DDAH1: variants seen among roughly 807,000 people sequenced by gnomAD.
DDAH1 encodes dimethylarginine dimethylaminohydrolase 1, also known as N(G),N(G)-dimethylarginine dimethylaminohydrolase 1.
DDAH1 carries 19 observed loss-of-function variants against 28.8 expected under a neutral mutation model. The ratio of observed to expected loss-of-function variants is 0.66; its 90% CI spans 0.46 to 0.97. The LOEUF is 0.97. DDAH1 is among the 50% of genes least tolerant of loss of function. The probability of loss-of-function intolerance (pLI) is 0.00; values close to 1 mark genes in which losing one functional copy is unlikely to be tolerated. For synonymous variants in DDAH1, 153 were observed against 154.4 expected (o/e 0.99, Z 0.07); for missense variants, 326 against 375.9 (o/e 0.87, Z 1.10).
chr1:85,482,575 G>A (rs1656046435), intron 2 of DDAH1: 1 of 152,176 alleles, frequency 6.6e-6, no homozygotes, highest in Admixed American at 6.5e-5. Context: ...GGTTCATGCT[G>A]GCTAGAAACT....
Position 85,479,159 on chromosome 1 carries a change from C to CTTTT in DDAH1, c.-7+17003_-7+17006dup, listed in dbSNP as rs35629726. Among the ~76,000 whole-genome samples, 450 of 78,588 alleles carry CTTTT rather than the reference C, an allele frequency of 5.7e-3. 15 individuals are homozygous for CTTTT. Among genetic ancestry groups the CTTTT allele is most frequent in the African/African-American group, 0.018 (400 of 21,876 alleles). The allele number at this position is 78,588 out of a possible 152,430, so 51.6% of individuals were successfully genotyped here. On this transcript the variant is annotated intron_variant, in intron 2 of 6. Transcript: ENST00000426972. ...ATTATTTTTCCTCCCTTCTGTTTTT[C>CTTTT]TTTTTTTTTTTTTTTTTTTTTTTTT...
intron 1 of DDAH1, among the ~76,000 whole-genome samples, chr1:85,405,203 C>T (rs776707486): frequency 2.6e-5 from 4 of 152,126 alleles, no homozygotes; most frequent in Non-Finnish European, 4.4e-5. Context: ...AATAAATTGG[C>T]CACATGGGTC....
At chr1:85,396,293 C>G (rs2177461) in intron 1 of DDAH1, among the ~76,000 whole-genome samples, 99,693 of 152,000 alleles carry the variant, frequency 0.66, 32,840 homozygotes, top group East Asian at 0.71. Context: ...TCACAGTTTT[C>G]CTGGCTGGAA....
chr1:85,383,286 T>C (rs1277466676), intron 1 of DDAH1, among the ~76,000 whole-genome samples: 1 of 152,198 alleles, frequency 6.6e-6, no homozygotes, highest in Non-Finnish European at 1.5e-5. Flanking sequence ...TTTGAATGGT[T>C]TAAGACTTCA....
At chr1:85,538,323 G>A (rs1257239259) in intron 1 of DDAH1, among the ~76,000 whole-genome samples, 2 of 152,172 alleles carry the variant, frequency 1.3e-5, no homozygotes, top group African/African-American at 4.8e-5. Context: ...GAAACATCAG[G>A]ATAGTACCAA....
chr1:85,435,600 G>GGTT (rs1289862650), intron 1 of DDAH1, among the ~76,000 whole-genome samples: 1 of 152,114 alleles, frequency 6.6e-6, no homozygotes, highest in South Asian at 2.1e-4. Context: ...AAGAGTAAGG[G>GGTT]GAACAGAAAT....
In DDAH1 at chr1:85,350,471, C is replaced by T. The variant is rs1649136901; in HGVS notation, c.541G>A (p.Ala181Thr). The T allele has an allele frequency of 1.2e-6, 2 of 1,613,980 alleles. No individual in the cohort carries two copies. Among genetic ancestry groups the T allele is most frequent in the East Asian group, 2.2e-5 (1 of 44,880 alleles). The change falls in exon 4 of 6, where the codon GCT becomes ACT. Residue 181 changes from alanine (A) to threonine (T), a missense_variant. Transcript: ENST00000284031. ...GLHLKSFCSM[A>T]GPNLIAIGSS... is the part of the protein sequence containing the mutation. The stretch of plus-strand genomic sequence containing the variant: ...CCAATTGCGATCAGGTTAGGCCCAG[C>T]CATGCTGCAGAAACTCTTCAAATGC...
At chr1:85,499,812 A>G (rs548054811) in intron 1 of DDAH1, among the ~76,000 whole-genome samples, 2 of 152,326 alleles carry the variant, frequency 1.3e-5, no homozygotes, top group African/African-American at 4.8e-5. Context: ...CCAAAAACTC[A>G]GCTTTATAAT....
intron 1 of DDAH1, among the ~76,000 whole-genome samples, chr1:85,550,769 C>T (rs1410613282): frequency 6.6e-6 from 1 of 151,536 alleles, no homozygotes; most frequent in Admixed American, 6.6e-5. Context: ...ACACACACAC[C>T]ATTTAGAGGC....
At chr1:85,547,030 C>T (rs984396077) in intron 1 of DDAH1, among the ~76,000 whole-genome samples, 4 of 152,068 alleles carry the variant, frequency 2.6e-5, no homozygotes, top group African/African-American at 7.2e-5. Flanking sequence ...AATCTCTGCC[C>T]TCATCCATCT....
intron 2 of DDAH1, among the ~76,000 whole-genome samples, chr1:85,485,370 T>A (rs1427496422): frequency 6.6e-6 from 1 of 152,146 alleles, no homozygotes; most frequent in Non-Finnish European, 1.5e-5. Context: ...ATCACTGGCT[T>A]TTAAATGAGC....
intron 1 of DDAH1, among the ~76,000 whole-genome samples, chr1:85,426,921 C>CAAAAAAAAAAAAAAAAAAAAAAGAA (rs10680800): frequency 8.3e-6 from 1 of 120,432 alleles, no homozygotes; most frequent in Non-Finnish European, 1.7e-5. Flanking sequence ...TTAAAAAAAA[C>CAAAAAAAAAAAAAAAAAAAAAAGAA]AAAAAAAAAA....
intron 1 of DDAH1, among the ~76,000 whole-genome samples, chr1:85,544,684 A>G (rs1314831622): frequency 2.0e-5 from 3 of 152,182 alleles, no homozygotes; most frequent in East Asian, 1.9e-4. Flanking sequence ...ATCAGAGACT[A>G]TAAGACCCAA....
chr1:85,479,381 G>C (rs1315847183), intron 2 of DDAH1, among the ~76,000 whole-genome samples: 5 of 151,454 alleles, frequency 3.3e-5, no homozygotes, highest in Admixed American at 1.3e-4. Context: ...CACCGTGTTA[G>C]CCAGGATGGT....
rs1655272431 is a variant in DDAH1 at position 85,464,691 on chromosome 1, C to T, written c.303+52G>A. 4.2e-6 allele frequency: 6 copies of T among 1,426,380 alleles called. No individual in the cohort carries two copies. The South Asian group carries it at 7.5e-5, about 18-fold the overall frequency. The allele number at this position is 1,426,380 out of a possible 1,614,324, so 88.4% of individuals were successfully genotyped here. A position where few individuals can be genotyped will look rare whatever the true frequency, so the allele number is the denominator to read the frequency against. On this transcript the variant is annotated intron_variant, in intron 1 of 5. Transcript: ENST00000284031. The surrounding 1 kb of genome is among the most constrained non-coding windows in gnomAD (Gnocchi z 4.4). ...CCCCAGGCAACACGGCGGCCGGCGGCGGGGGAGGGCCTGGCGCGCGCCCCG... is the reference window on the plus strand; with the variant it reads ...CCCCAGGCAACACGGCGGCCGGCGGTGGGGGAGGGCCTGGCGCGCGCCCCG...
intron 1 of DDAH1, among the ~76,000 whole-genome samples, chr1:85,574,546 G>A (rs896867462): frequency 9.9e-5 from 15 of 152,186 alleles, no homozygotes; most frequent in African/African-American, 1.9e-4. Context: ...CAGATTAGTC[G>A]TTCCCCCTAA....
intron 1 of DDAH1, among the ~76,000 whole-genome samples, chr1:85,533,728 A>C (rs1460161349): frequency 6.6e-6 from 1 of 152,212 alleles, no homozygotes; most frequent in Non-Finnish European, 1.5e-5. Context: ...CTAGTGCAAG[A>C]TACCTATTCT....
chr1:85,358,991 A>G, intron 1 of DDAH1, 144 bp from the exon 2 acceptor site: 1 of 555,992 alleles, frequency 1.8e-6, no homozygotes, highest in Non-Finnish European at 3.2e-6. Flanking sequence ...CCTTGTGAAT[A>G]TATAATGTAT....
chr1:85,503,057 T>C (rs1158655951), intron 1 of DDAH1, among the ~76,000 whole-genome samples: 3 of 151,944 alleles, frequency 2.0e-5, no homozygotes, highest in African/African-American at 7.2e-5. Context: ...TTTATGTGTA[T>C]GGAATCCTAT....
Sources: allele counts gnomAD v4.1 joint callset (sites outside exome capture counted in the v4.1 genomes callset), GRCh38; gene constraint gnomAD v4.1.1; non-coding constraint Gnocchi (gnomAD v3.1); transcripts MANE v1.5; gene names NCBI Gene and HGNC (gene_info 2026-07-23, HGNC 2026-07-21).